The following ANO4 variants were observed in gnomAD, a reference collection of about 807,000 sequenced individuals.
ANO4 encodes the protein anoctamin 4, also known as anoctamin-4.
In ANO4, 69 loss-of-function variants were observed where a neutral mutation model predicts 141.9. The ratio of observed to expected loss-of-function variants is 0.49; its 90% CI spans 0.40 to 0.59. ANO4 has a LOEUF of 0.59. Among genes scored for constraint, ANO4 ranks in the 20% least tolerant of loss-of-function variants. The pLI is 0.00. For synonymous variants in ANO4, 350 were observed against 394.3 expected (o/e 0.89, Z 1.33); for missense variants, 894 against 1,162.2 (o/e 0.77, Z 3.36).
At chr12:100,793,133 G>T (rs1423353555), upstream of ANO4, among the ~76,000 whole-genome samples, 1 of 152,188 alleles carries the variant, frequency 6.6e-6, no homozygotes, top group Non-Finnish European at 1.5e-5. Context: ...CCATGAGACT[G>T]TAAACTTCTT....
At chr12:100,941,771 A>G (rs562351293) in intron 4 of ANO4, among the ~76,000 whole-genome samples, 16 of 152,066 alleles carry the variant, frequency 1.1e-4, no homozygotes, top group African/African-American at 3.9e-4. Context: ...TGAGCATATC[A>G]ATTTTCACTC....
At chr12:100,839,257 G>A (rs948480358) in intron 1 of ANO4, among the ~76,000 whole-genome samples, 8 of 152,138 alleles carry the variant, frequency 5.3e-5, no homozygotes, top group Non-Finnish European at 1.0e-4. Context: ...AGAAAATCTC[G>A]GAGATAATAT....
intron 1 of ANO4, among the ~76,000 whole-genome samples, chr12:100,810,742 G>A (rs2035373067): frequency 6.6e-6 from 1 of 152,024 alleles, no homozygotes; most frequent in Non-Finnish European, 1.5e-5. Context: ...TAACTGCTAA[G>A]TGTAGACATA....
At chr12:100,809,863 G>A (rs1048108604) in intron 1 of ANO4, among the ~76,000 whole-genome samples, 2 of 152,152 alleles carry the variant, frequency 1.3e-5, no homozygotes, top group African/African-American at 4.8e-5. Context: ...AGTGGGCCCA[G>A]TTAGAGACTG....
intron 7 of ANO4, among the ~76,000 whole-genome samples, chr12:100,977,233 G>A (rs1034677472): frequency 1.3e-4 from 20 of 152,032 alleles, no homozygotes; most frequent in South Asian, 1.0e-3. Flanking sequence ...TCTTTCTGTC[G>A]TGCTTCTGAA....
In ANO4 at chr12:100,845,838, TTGAAA is replaced by T. The variant is rs1196449046; in HGVS notation, c.-141+50818_-141+50822del. ...TTGTAAGTTGGCAAACATTTAGAAC[TTGAAA>T]TGAAATCAGAGCTCATCTGGTTTAG... On this transcript the variant is annotated intron_variant, in intron 1 of 27. Coordinates refer to ENST00000392977, the MANE Select transcript of ANO4 (RefSeq NM_001286615.2). Among the ~76,000 whole-genome samples the T allele has an allele frequency of 2.6e-5, 4 of 152,200 alleles. No individual in the cohort carries two copies. In the East Asian group the frequency reaches 7.7e-4, roughly 29 times the overall value.
intron 8 of ANO4, among the ~76,000 whole-genome samples, chr12:100,995,430 G>A (rs2045326645): frequency 6.6e-6 from 1 of 152,194 alleles, no homozygotes; most frequent in African/African-American, 2.4e-5. Context: ...ATCCTGTAAG[G>A]CCTGTGGGCT....
At chr12:101,006,238 AATG>A (rs1278671552) in intron 8 of ANO4, among the ~76,000 whole-genome samples, 3 of 152,154 alleles carry the variant, frequency 2.0e-5, no homozygotes, top group African/African-American at 7.2e-5. Context: ...CTGGGAGTAA[AATG>A]ATCCTATTAT....
chr12:101,106,141 T>G (rs1039195511), intron 22 of ANO4, among the ~76,000 whole-genome samples: 2 of 151,992 alleles, frequency 1.3e-5, no homozygotes, highest in East Asian at 1.9e-4. Context: ...CAGATTGACT[T>G]AGCGTAAGAC....
chr12:101,086,151 A>G (rs2049491219), intron 16 of ANO4, among the ~76,000 whole-genome samples: 1 of 144,270 alleles, frequency 6.9e-6, no homozygotes, highest in Non-Finnish European at 1.5e-5. Context: ...GTGGGTAGGT[A>G]TTACAGGCAA....
At chr12:101,035,828 A>C (rs2047170214) in intron 9 of ANO4, among the ~76,000 whole-genome samples, 1 of 152,156 alleles carries the variant, frequency 6.6e-6, no homozygotes, top group South Asian at 2.1e-4. Context: ...AAAGAAGGGA[A>C]CAGGAGACAC....
chr12:100,735,627 C>T lies in ANO4; in HGVS notation c.106+1770C>T, dbSNP rs183470871. ...CAACTAGGGAGGTGGGATGAAGAGGCGGGTCTAGGGGGAGAGGGATGGAAT... is the reference window on the plus strand; with the variant it reads ...CAACTAGGGAGGTGGGATGAAGAGGTGGGTCTAGGGGGAGAGGGATGGAAT... On this transcript the variant is annotated intron_variant, in intron 2 of 29. Coordinates refer to the ANO4 transcript ENST00000644049. Among the ~76,000 whole-genome samples, 411 of 151,886 alleles carry T rather than the reference C, an allele frequency of 2.7e-3. 2 individuals carry two copies. The highest frequency in any genetic ancestry group is 9.6e-3 in the African/African-American group (396 of 41,400).
At chr12:100,980,790 G>C (rs1156717066) in intron 7 of ANO4, among the ~76,000 whole-genome samples, 1 of 152,052 alleles carries the variant, frequency 6.6e-6, no homozygotes, top group Non-Finnish European at 1.5e-5. Context: ...CCATGTACTT[G>C]GTCTATTAAA....
chr12:100,771,913 G>A (rs759636613), intron 3 of ANO4, among the ~76,000 whole-genome samples: 3 of 152,176 alleles, frequency 2.0e-5, no homozygotes, highest in Non-Finnish European at 4.4e-5. Flanking sequence ...TGTGGGGAGG[G>A]CAGCATTCCC....
intron 5 of ANO4, among the ~76,000 whole-genome samples, chr12:100,951,724 C>T (rs2136207402): frequency 6.6e-6 from 1 of 152,184 alleles, no homozygotes; most frequent in East Asian, 1.9e-4. Context: ...CAGTGCTTAG[C>T]TTGTGGAATC....
chr12:101,091,306 C>G (rs1284086388), intron 17 of ANO4, among the ~76,000 whole-genome samples: 3 of 152,046 alleles, frequency 2.0e-5, no homozygotes, highest in African/African-American at 7.2e-5. Flanking sequence ...CAGCATCAAC[C>G]AGGACCTCTT....
chr12:101,043,530 C>A lies in ANO4; in HGVS notation c.1155-9C>A. 1 of 1,605,784 alleles carries A rather than the reference C, an allele frequency of 6.2e-7. No individual in the cohort carries two copies. Among genetic ancestry groups the A allele is most frequent in the South Asian group, 1.1e-5 (1 of 90,834 alleles). ...ATCAAAAAGCAGTCCTTTCTGTTCT[C>A]TTTTCCAGTAAAGAAGTCTGCCAAG... On this transcript the variant is annotated splice_polypyrimidine_tract_variant and intron_variant, in intron 12 of 27. Coordinates refer to ENST00000392977, the MANE Select transcript of ANO4 (RefSeq NM_001286615.2).
At chr12:100,959,244 C>T (rs922515508) in intron 5 of ANO4, among the ~76,000 whole-genome samples, 3 of 152,152 alleles carry the variant, frequency 2.0e-5, no homozygotes, top group Non-Finnish European at 2.9e-5. Flanking sequence ...TGTGTGCTGT[C>T]GCGGGAGCTC....
At chr12:101,099,745 T>C in intron 22 of ANO4, 25 bp downstream of exon 22, 1 of 1,503,142 alleles carries the variant, frequency 6.7e-7, no homozygotes. Context: ...TACTTTATCT[T>C]ATTAATTATA....
Sources: gnomAD v4.1 joint callset for allele counts (sites outside exome capture counted in the v4.1 genomes callset) on GRCh38, gnomAD v4.1.1 for gene constraint, MANE v1.5 for transcripts, NCBI Gene and HGNC (gene_info 2026-07-23, HGNC 2026-07-21) for gene names.